DCN: variants seen among roughly 807,000 people sequenced by gnomAD.
DCN encodes decorin, also known as bone proteoglycan II.
A neutral mutation model predicts 36.5 loss-of-function variants in DCN; 17 were observed. The observed-to-expected ratio is 0.47, with a 90% CI of 0.32 to 0.70. DCN has a LOEUF of 0.70. Ranked by LOEUF, DCN falls within the 30% of genes least tolerant of loss-of-function variation. The pLI, the probability that DCN is intolerant of heterozygous loss-of-function variation, is 0.04. For missense variants in DCN, 389 were observed against 430.1 expected (o/e 0.90, Z 0.84); for synonymous variants, 163 against 161.4 (o/e 1.01, Z -0.07).
rs5799978 is a variant in DCN at position 91,148,721 on chromosome 12, C to CAAAAAAAAAAAAA, written c.886-2482_886-2470dup. 6.1e-3 allele frequency among the ~76,000 whole-genome samples: 304 copies of CAAAAAAAAAAAAA among 49,476 alleles called. 16 individuals carry two copies. The highest frequency in any genetic ancestry group is 0.012 in the East Asian group (17 of 1,460). The allele number at this position is 49,476 out of a possible 152,430, so 32.5% of individuals were successfully genotyped here. A position where few individuals can be genotyped will look rare whatever the true frequency, so the allele number is the denominator to read the frequency against. On this transcript the variant is annotated intron_variant, in intron 7 of 7. Transcript: ENST00000052754. ...GGTGACAGAGCGAGACGCTCCGACT[C>CAAAAAAAAAAAAA]AAAAAAAAAAAAAAAAAAAAAAAAA...
intron 5 of DCN, among the ~76,000 whole-genome samples, chr12:91,154,981 C>A (rs1210458022): frequency 6.6e-6 from 1 of 152,142 alleles, no homozygotes; most frequent in African/African-American, 2.4e-5. Context: ...AGTCTCTACA[C>A]TACTTTCTAC....
intron 3 of DCN, among the ~76,000 whole-genome samples, chr12:91,163,462 T>G (rs1268311973): frequency 1.3e-5 from 2 of 152,166 alleles, no homozygotes; most frequent in African/African-American, 2.4e-5. Context: ...TACCCAGCTC[T>G]CCCATGGCTC....
Position 91,157,082 on chromosome 12 carries a change from A to G in DCN, c.645T>C (p.Ile215=). 6.3e-7 allele frequency: 1 copy of G among 1,578,264 alleles called. No individual in the cohort carries two copies. The change falls in exon 5 of 8, where the codon ATT becomes ATC. Residue 215 remains isoleucine, a synonymous_variant. Coordinates refer to ENST00000052754, the MANE Select transcript of DCN (RefSeq NM_001920.5). The stretch of plus-strand genomic sequence containing the variant: ...TGGAGAATCTTCTATCACCTTGAGG[A>G]ATGCTGGTGATATTGGTATCAGCAA... ...IRIADTNITS[I]PQGLPPSLTE... is the part of the protein sequence containing the mutation.
In DCN at chr12:91,153,080, G is replaced by A; in HGVS notation, c.746+16C>T. On this transcript the variant is annotated intron_variant, in intron 6 of 7. Coordinates refer to ENST00000052754, the MANE Select transcript of DCN (RefSeq NM_001920.5). Reference sequence around the variant, plus strand: ...AGCCATTGTTCTGATAGAATGTCATGAAAGAATATTATTACTTAGCCAAAT... The same window carrying A: ...AGCCATTGTTCTGATAGAATGTCATAAAAGAATATTATTACTTAGCCAAAT... The A allele has an allele frequency of 7.3e-7, 1 of 1,362,070 alleles. No individual in the cohort carries two copies. The highest frequency in any genetic ancestry group is 1.1e-6 in the Non-Finnish European group (1 of 950,410). 84.4% of individuals were successfully genotyped at this position (1,362,070 alleles called of 1,614,324 possible).
chr12:91,160,002 T>C (rs940485021), intron 3 of DCN, among the ~76,000 whole-genome samples: 1 of 152,176 alleles, frequency 6.6e-6, no homozygotes, highest in South Asian at 2.1e-4. Flanking sequence ...AATTAATATA[T>C]GTATATCCTC....
At chr12:91,150,093 T>G (rs1353074853) in intron 7 of DCN, among the ~76,000 whole-genome samples, 1 of 151,950 alleles carries the variant, frequency 6.6e-6, no homozygotes, top group African/African-American at 2.4e-5. Context: ...GGAACCAGAA[T>G]AGCCAAAATA....
intron 5 of DCN, 39 bp downstream of exon 5, chr12:91,157,036 T>C: frequency 7.0e-7 from 1 of 1,434,334 alleles, no homozygotes; most frequent in Non-Finnish European, 9.8e-7. Context: ...AGCCTTTGAA[T>C]TTAAATTTTT....
At position 91,148,721 on chromosome 12, in the gene DCN, C is replaced by CAAAAAAAAAAAAAAAAAA. The variant is rs5799978; in HGVS notation, c.886-2487_886-2470dup. Among the ~76,000 whole-genome samples, 48 of 49,476 alleles carry CAAAAAAAAAAAAAAAAAA rather than the reference C, an allele frequency of 9.7e-4. 2 individuals are homozygous for CAAAAAAAAAAAAAAAAAA. Among genetic ancestry groups the CAAAAAAAAAAAAAAAAAA allele is most frequent in the African/African-American group, 2.2e-3 (33 of 15,224 alleles). 32.5% of individuals were successfully genotyped at this position (49,476 alleles called of 152,430 possible). On this transcript the variant is annotated intron_variant, in intron 7 of 7. Transcript: ENST00000052754. Reference sequence around the variant, plus strand: ...GGTGACAGAGCGAGACGCTCCGACTCAAAAAAAAAAAAAAAAAAAAAAAAA... The same window carrying CAAAAAAAAAAAAAAAAAA: ...GGTGACAGAGCGAGACGCTCCGACTCAAAAAAAAAAAAAAAAAAAAAAAAAAAAAAAAAAAAAAAAAAA...
At chr12:91,158,011 T>C (rs933243028) in intron 4 of DCN, among the ~76,000 whole-genome samples, 2 of 152,220 alleles carry the variant, frequency 1.3e-5, no homozygotes, top group Non-Finnish European at 2.9e-5. Context: ...AAAATATCTG[T>C]AGTTAAGCAC....
intron 2 of DCN, among the ~76,000 whole-genome samples, chr12:91,173,669 C>T (rs1265290751): frequency 6.6e-6 from 1 of 152,212 alleles, no homozygotes; most frequent in Non-Finnish European, 1.5e-5. Flanking sequence ...CCTGCTGCTG[C>T]AGAGCCAGAC....
rs78540880 is a variant in DCN, at chr12:91,163,542, C to A, written c.324+1063G>T. Among the ~76,000 whole-genome samples the A allele has an allele frequency of 3.3e-5, 5 of 152,190 alleles. No individual in the cohort carries two copies. The East Asian group carries it at 5.8e-4, about 18-fold the overall frequency. On this transcript the variant is annotated intron_variant, in intron 3 of 7. Transcript: ENST00000052754. ...CACAGTGCCTTGTTGGGTTCCCATG[C>A]CCCTTTGCAAATAGAGGTTTCAATA... is the stretch of plus-strand genomic sequence containing the variant.
intron 2 of DCN, among the ~76,000 whole-genome samples, chr12:91,165,998 G>A (rs1201269155): frequency 6.6e-6 from 1 of 152,084 alleles, no homozygotes; most frequent in African/African-American, 2.4e-5. Flanking sequence ...TCAATTTTGA[G>A]TTTTATGTAA....
At chr12:91,170,684 G>T (rs1016684620) in intron 2 of DCN, among the ~76,000 whole-genome samples, 1 of 152,060 alleles carries the variant, frequency 6.6e-6, no homozygotes, top group Non-Finnish European at 1.5e-5. Context: ...AGAATGGCTC[G>T]GGTTAAAATC....
chr12:91,172,832 A>G, intron 2 of DCN: 1 of 665,022 alleles, frequency 1.5e-6, no homozygotes, highest in Non-Finnish European at 2.7e-6. Context: ...TGTTGTGTAG[A>G]GGTTGTACGA....
At position 91,142,371 on chromosome 12, in the gene DCN, G is replaced by A. The variant is rs1277958187; in HGVS notation, c.*3687C>T. 6.6e-6 allele frequency: 1 copy of A among 152,164 alleles called. No individual in the cohort carries two copies. The highest frequency in any genetic ancestry group is 1.5e-5 in the Non-Finnish European group (1 of 68,038). The allele number at this position is 152,164 out of a possible 1,614,324, so 9.4% of individuals were successfully genotyped here. A position where few individuals can be genotyped will look rare whatever the true frequency, so the allele number is the denominator to read the frequency against. On this transcript the variant is annotated 3_prime_UTR_variant, in exon 8 of 8. Transcript: ENST00000052754. ...TGTATAAAACATTTTTAGTTTACTT[G>A]AGGGATTAGGCAATTCTTCCTTCGT...
chr12:91,162,419 T>C lies in DCN; in HGVS notation c.324+2186A>G, dbSNP rs140627905. Among the ~76,000 whole-genome samples, 214 of 152,324 alleles carry C rather than the reference T, an allele frequency of 1.4e-3. 4 individuals are homozygous for C. The East Asian group carries it at 0.032, about 23-fold the overall frequency. On this transcript the variant is annotated intron_variant, in intron 3 of 7. Coordinates refer to ENST00000052754, the MANE Select transcript of DCN (RefSeq NM_001920.5). ...CTTCATTATAGTAACTCTGTAATAA[T>C]TATGACCAGTTTATTCTATTTTATA...
intron 3 of DCN, among the ~76,000 whole-genome samples, chr12:91,164,367 A>AT (rs1491117716): frequency 4.2e-4 from 27 of 64,518 alleles, no homozygotes; most frequent in African/African-American, 4.1e-3. Flanking sequence ...AGAGTATAAT[A>AT]AAAAAAAAAT....
chr12:91,175,995 A>T (rs959700749), intron 2 of DCN: 1 of 152,014 alleles, frequency 6.6e-6, no homozygotes, highest in African/African-American at 2.4e-5. Flanking sequence ...TAAGACTGTG[A>T]TTTTTCTGCA....
chr12:91,172,030 GT>G (rs1305089382), intron 2 of DCN: 3 of 152,032 alleles, frequency 2.0e-5, no homozygotes, highest in Non-Finnish European at 4.4e-5. Context: ...TGCTCTCCCA[GT>G]TTTTGTAAGG....
Sources: allele counts gnomAD v4.1 joint callset (sites outside exome capture counted in the v4.1 genomes callset), GRCh38; gene constraint gnomAD v4.1.1; transcripts MANE v1.5; gene names NCBI Gene and HGNC (gene_info 2026-07-23, HGNC 2026-07-21).